Variants in KRT76 observed in about 807,000 individuals in gnomAD.
The protein encoded by KRT76 is keratin 76, also known as keratin, type II cytoskeletal 2 oral.
In KRT76, 47 loss-of-function variants were observed where a neutral mutation model predicts 44.9. The ratio of observed to expected loss-of-function variants is 1.05; its 90% CI spans 0.83 to 1.33. The LOEUF is 1.33. KRT76 is among the 40% of genes most tolerant of loss of function. The pLI, the probability that KRT76 is intolerant of heterozygous loss-of-function variation, is 0.00. For synonymous variants in KRT76, 331 were observed against 294.1 expected (o/e 1.13, Z -1.28); for missense variants, 860 against 775.8 (o/e 1.11, Z -1.29).
chr12:52,773,652 G>A lies in KRT76; in HGVS notation c.816-10C>T, dbSNP rs1284720544. 2.5e-6 allele frequency: 4 copies of A among 1,611,110 alleles called. No homozygotes were observed. The South Asian group carries it at 3.3e-5, about 13-fold the overall frequency. On this transcript the variant is annotated splice_polypyrimidine_tract_variant and intron_variant, in intron 2 of 8. Coordinates refer to ENST00000332411, the MANE Select transcript of KRT76 (RefSeq NM_015848.4). Reference sequence around the variant, plus strand: ...GATTTCATCTTCATACCTGGAACAAGAAGAGGCACACATTTGAACACTGGC... The same window carrying A: ...GATTTCATCTTCATACCTGGAACAAAAAGAGGCACACATTTGAACACTGGC...
chr12:52,770,349 G>A (rs944497170), intron 7 of KRT76, among the ~76,000 whole-genome samples: 1 of 152,168 alleles, frequency 6.6e-6, no homozygotes, highest in Non-Finnish European at 1.5e-5. Flanking sequence ...GATGCATTGG[G>A]CAGAAACTCA....
intron 4 of KRT76, among the ~76,000 whole-genome samples, 178 bp from the exon 5 acceptor site, chr12:52,772,436 A>T (rs749164803): frequency 2.0e-5 from 3 of 152,264 alleles, no homozygotes; most frequent in Non-Finnish European, 2.9e-5. Flanking sequence ...TAAAGGAAAT[A>T]TGCAAAATAT....
intron 1 of KRT76, 123 bp from the exon 2 acceptor site, chr12:52,775,725 T>C: frequency 1.4e-6 from 1 of 728,308 alleles, no homozygotes; most frequent in East Asian, 2.6e-5. Context: ...CCCTGTTTTT[T>C]AATTTGGGAA....
intron 7 of KRT76, among the ~76,000 whole-genome samples, chr12:52,770,003 G>A (rs1310848248): frequency 2.6e-5 from 4 of 152,160 alleles, no homozygotes; most frequent in African/African-American, 9.7e-5. Flanking sequence ...GGGTGGTGGT[G>A]ACATGATTGG....
At chr12:52,769,967 G>A (rs1398459646) in intron 7 of KRT76, among the ~76,000 whole-genome samples, 1 of 152,086 alleles carries the variant, frequency 6.6e-6, no homozygotes, top group Non-Finnish European at 1.5e-5. Flanking sequence ...GCCTTTCCAA[G>A]AAGGCTTCCA....
chr12:52,773,912 G>T (rs1939224143), intron 2 of KRT76, among the ~76,000 whole-genome samples: 1 of 151,416 alleles, frequency 6.6e-6, no homozygotes, highest in Non-Finnish European at 1.5e-5. Context: ...GCTCACTGTG[G>T]CCTCAACCCC....
rs755530114 is a variant in KRT76, at chr12:52,768,970, C to T, written c.1660G>A (p.Gly554Ser). ...SSSSGYGVSGGSGSGYGGVSS... is the reference protein window; with the variant it reads ...SSSSGYGVSGSSGSGYGGVSS... ...ACCCCTCCATAGCCACTGCCGCTGCCGCCACTGACTCCATAGCCACTGCTG... is the reference window on the plus strand; with the variant it reads ...ACCCCTCCATAGCCACTGCCGCTGCTGCCACTGACTCCATAGCCACTGCTG... The change falls in exon 9 of 9, where the codon GGC (glycine) becomes AGC (serine). Residue 554 changes from glycine to serine, a missense_variant. Gly to Ser is a moderately conservative substitution (Grantham distance 56). Transcript: ENST00000332411. The T allele has an allele frequency of 1.4e-5, 17 of 1,208,540 alleles. No homozygotes were observed. Among genetic ancestry groups the T allele is most frequent in the Admixed American group, 7.7e-5 (4 of 51,996 alleles). 74.9% of individuals were successfully genotyped at this position (1,208,540 alleles called of 1,614,324 possible).
In KRT76 at chr12:52,775,376, AG is replaced by A; in HGVS notation, c.815+11del. On this transcript the variant is annotated intron_variant, in intron 2 of 8. Coordinates refer to ENST00000332411, the MANE Select transcript of KRT76 (RefSeq NM_015848.4). Reference sequence around the variant, plus strand: ...TCCCCAGAAGGGGAAACTTCCCAGGAGGAGCCCTCACTTCTTTTTGAAGTCT... The same window carrying A: ...TCCCCAGAAGGGGAAACTTCCCAGGAGAGCCCTCACTTCTTTTTGAAGTCT... 1 of 1,613,326 alleles carries A rather than the reference AG, an allele frequency of 6.2e-7. No individual in the cohort carries two copies. The highest frequency in any genetic ancestry group is 8.5e-7 in the Non-Finnish European group (1 of 1,179,270).
At chr12:52,769,794 C>T (rs969055699) in intron 7 of KRT76, among the ~76,000 whole-genome samples, 2 of 152,182 alleles carry the variant, frequency 1.3e-5, no homozygotes, top group African/African-American at 4.8e-5. Context: ...ACACTTTTCC[C>T]CTTAGCCCTT....
intron 2 of KRT76, 152 bp downstream of exon 2, chr12:52,775,236 T>G: frequency 1.4e-6 from 1 of 704,072 alleles, no homozygotes; most frequent in Non-Finnish European, 2.4e-6. Flanking sequence ...TCCCCACCCT[T>G]TCACCCCCTT....
intron 7 of KRT76, among the ~76,000 whole-genome samples, chr12:52,770,718 G>A (rs754429473): frequency 6.6e-6 from 1 of 152,180 alleles, no homozygotes; most frequent in Admixed American, 6.5e-5. Context: ...GACAGCACTG[G>A]TCTATCACTT....
At chr12:52,773,831 CTT>C (rs56913347) in intron 2 of KRT76, among the ~76,000 whole-genome samples, 189 bp from the exon 3 acceptor site, 193 of 139,158 alleles carry the variant, frequency 1.4e-3, no homozygotes, top group African/African-American at 4.4e-3. Context: ...GACATTCTTT[CTT>C]TTTTTTTTTT....
In KRT76 at chr12:52,769,461, G is replaced by A. The variant is rs796833300; in HGVS notation, c.1519+88C>T. 17 of 1,125,434 alleles carry A rather than the reference G, an allele frequency of 1.5e-5. No individual in the cohort carries two copies. The African/African-American group carries it at 2.0e-4, about 13-fold the overall frequency. The allele number at this position is 1,125,434 out of a possible 1,614,324, so 69.7% of individuals were successfully genotyped here. A position where few individuals can be genotyped will look rare whatever the true frequency, so the allele number is the denominator to read the frequency against. On this transcript the variant is annotated intron_variant, in intron 8 of 8. Coordinates refer to ENST00000332411, the MANE Select transcript of KRT76 (RefSeq NM_015848.4). ...GGCCTGACTTCCTTGGATGGAACAG[G>A]CCTTCTTGCCTGAAGGTCAGTCAGT...
chr12:52,769,801 C>T (rs565006081), intron 7 of KRT76, among the ~76,000 whole-genome samples: 2 of 152,310 alleles, frequency 1.3e-5, no homozygotes, highest in South Asian at 4.1e-4. Flanking sequence ...TCCCCTTAGC[C>T]CTTAGAGATT....
At chr12:52,776,362 C>T (rs1939261097) in intron 1 of KRT76, among the ~76,000 whole-genome samples, 1 of 152,212 alleles carries the variant, frequency 6.6e-6, no homozygotes, top group African/African-American at 2.4e-5. Context: ...AATTGCTTTT[C>T]AGGAGAAATT....
intron 8 of KRT76, among the ~76,000 whole-genome samples, 184 bp from the exon 9 acceptor site, chr12:52,769,294 C>G (rs1460773515): frequency 1.3e-5 from 2 of 152,192 alleles, no homozygotes; most frequent in South Asian, 2.1e-4. Context: ...GAACAGGAAC[C>G]AGAAATCTAC....
Position 52,768,355 on chromosome 12 carries a change from G to T in KRT76, c.*358C>A, listed in dbSNP as rs191230523. On this transcript the variant is annotated 3_prime_UTR_variant, in exon 9 of 9. Coordinates refer to ENST00000332411, the MANE Select transcript of KRT76 (RefSeq NM_015848.4). ...CCCATGGCTCTGCCCTCCTCAGACA[G>T]TGCTGAGATGACTGGCTTCAAATCT... is the stretch of plus-strand genomic sequence containing the variant. 5 of 231,446 alleles carry T rather than the reference G, an allele frequency of 2.2e-5. No individual in the cohort carries two copies. Among genetic ancestry groups the T allele is most frequent in the Admixed American group, 2.0e-4 (4 of 19,946 alleles). 14.3% of individuals were successfully genotyped at this position (231,446 alleles called of 1,614,324 possible). A position where few individuals can be genotyped will look rare whatever the true frequency, so the allele number is the denominator to read the frequency against.
rs1400872476 is a variant in KRT76, at chr12:52,772,981, C to A, written c.877-103G>T. 9 of 752,698 alleles carry A rather than the reference C, an allele frequency of 1.2e-5. No individual in the cohort carries two copies. In the East Asian group the frequency reaches 2.3e-4, roughly 19 times the overall value. 46.6% of individuals were successfully genotyped at this position (752,698 alleles called of 1,614,324 possible). A position where few individuals can be genotyped will look rare whatever the true frequency, so the allele number is the denominator to read the frequency against. On this transcript the variant is annotated intron_variant, in intron 3 of 8. Coordinates refer to ENST00000332411, the MANE Select transcript of KRT76 (RefSeq NM_015848.4). ...TCTCGTCTTTGTTCCGCCCCCAGCT[C>A]TCCTCCTAATTGTGACTTCTCATCT...
Position 52,776,672 on chromosome 12 carries a change from C to T in KRT76, c.600+20G>A, listed in dbSNP as rs750905003. ...TGGGCACCCCAAACCCTCCACAGCA[C>T]CTCTTGGCCTTGCCCTCACCTTGTC... On this transcript the variant is annotated intron_variant, in intron 1 of 8. Transcript: ENST00000332411. 18 of 1,613,710 alleles carry T rather than the reference C, an allele frequency of 1.1e-5. 1 individual carries two copies. The South Asian group carries it at 1.9e-4, about 17-fold the overall frequency.
Sources: allele counts gnomAD v4.1 joint callset (sites outside exome capture counted in the v4.1 genomes callset), GRCh38; gene constraint gnomAD v4.1.1; transcripts MANE v1.5; gene names NCBI Gene and HGNC (gene_info 2026-07-23, HGNC 2026-07-21).